Variants in ZSWIM5 observed in about 807,000 individuals in gnomAD.
ZSWIM5 encodes zinc finger SWIM-type containing 5.
In ZSWIM5, 55 loss-of-function variants were observed where a neutral mutation model predicts 119.6. The ratio of observed to expected loss-of-function variants is 0.46; its 90% CI spans 0.37 to 0.58. ZSWIM5 has a LOEUF of 0.58. Ranked by LOEUF, ZSWIM5 falls within the 20% of genes least tolerant of loss-of-function variation. The pLI is 0.00. For synonymous variants in ZSWIM5, 537 were observed against 606.9 expected (o/e 0.88, Z 1.69); for missense variants, 1,193 against 1,512.8 (o/e 0.79, Z 3.51).
chr1:45,130,883 A>C (rs1003197992), intron 1 of ZSWIM5, among the ~76,000 whole-genome samples: 3 of 152,200 alleles, frequency 2.0e-5, no homozygotes, highest in Non-Finnish European at 4.4e-5. Context: ...ATACCATGGA[A>C]TACTACTCAA....
At chr1:45,060,828 C>A (rs781473595) in intron 2 of ZSWIM5, among the ~76,000 whole-genome samples, 3 of 152,106 alleles carry the variant, frequency 2.0e-5, no homozygotes, top group Non-Finnish European at 4.4e-5. Context: ...GAGAGGGCCA[C>A]CATGCCCAAC....
In ZSWIM5 at chr1:45,051,094, T is replaced by C. The variant is rs1645085776; in HGVS notation, c.1412A>G (p.Gln471Arg). 6.2e-7 allele frequency: 1 copy of C among 1,613,778 alleles called. No homozygotes were observed. The highest frequency in any genetic ancestry group is 8.5e-7 in the Non-Finnish European group (1 of 1,179,936). ...CTCACCTGGGCTGTGAATGGCACTC[T>C]GGGGAAGTGCATTGGTGATGTTGGG... Reference protein sequence around the residue: ...ELPNITNALPQSAIHSPDSLS... With the variant: ...ELPNITNALPRSAIHSPDSLS... Residue 471 changes from glutamine (Q) to arginine (R), a missense_variant, in exon 5 of 14, where the codon CAG (glutamine) becomes CGG (arginine). Transcript: ENST00000359600.
At chr1:45,191,019 T>C (rs1194610645) in intron 1 of ZSWIM5, among the ~76,000 whole-genome samples, 1 of 134,678 alleles carries the variant, frequency 7.4e-6, no homozygotes, top group Non-Finnish European at 1.5e-5. Flanking sequence ...CTATCTCCTC[T>C]CACTGCAAGC....
At chr1:45,056,604 C>CT (rs1484909590) in intron 4 of ZSWIM5, among the ~76,000 whole-genome samples, 1 of 49,180 alleles carries the variant, frequency 2.0e-5, no homozygotes, top group African/African-American at 7.9e-5. Context: ...GAGTGAGACT[C>CT]TGTCTCAAAA....
chr1:45,101,096 A>G (rs1223520835), intron 1 of ZSWIM5, among the ~76,000 whole-genome samples: 2 of 151,910 alleles, frequency 1.3e-5, no homozygotes, highest in Non-Finnish European at 2.9e-5. Flanking sequence ...CTACCATCAG[A>G]GTGAACAGGC....
rs145913174 is a variant in ZSWIM5 at position 45,131,617 on chromosome 1, C to T, written c.596-43380G>A. 1.9e-3 allele frequency among the ~76,000 whole-genome samples: 284 copies of T among 150,544 alleles called. 2 individuals carry two copies. The highest frequency in any genetic ancestry group is 6.5e-3 in the African/African-American group (268 of 40,942). ...GTGTGTACCCATAGCCCCAGCTACT[C>T]GGGAGGCTGAGGCACGAGAATCACT... On this transcript the variant is annotated intron_variant, in intron 1 of 13. Transcript: ENST00000359600.
intron 1 of ZSWIM5, among the ~76,000 whole-genome samples, chr1:45,171,114 G>A (rs922039497): frequency 2.0e-5 from 3 of 152,016 alleles, no homozygotes; most frequent in Middle Eastern, 3.2e-3. Context: ...GCAGAACTAA[G>A]AAAATTCAAC....
chr1:45,070,537 G>T, intron 2 of ZSWIM5: 3 of 548,128 alleles, frequency 5.5e-6, no homozygotes, highest in East Asian at 3.6e-5. Context: ...ATTTTTTTCT[G>T]TTCTTTGCAT....
intron 1 of ZSWIM5, among the ~76,000 whole-genome samples, chr1:45,166,789 G>A (rs1441974286): frequency 6.6e-6 from 1 of 152,032 alleles, no homozygotes; most frequent in African/African-American, 2.4e-5. Flanking sequence ...TCTTCAAGGA[G>A]AACTACAAAC....
In ZSWIM5 at chr1:45,057,885, A is replaced by G. The variant is rs1189351636; in HGVS notation, c.1252+724T>C. Among the ~76,000 whole-genome samples, 2 of 152,208 alleles carry G rather than the reference A, an allele frequency of 1.3e-5. No individual in the cohort carries two copies. Among genetic ancestry groups the G allele is most frequent in the Non-Finnish European group, 2.9e-5 (2 of 68,032 alleles). ...AGTTTCACGGGGGAATGGACACTAC[A>G]TTGCATTTTAAAGGTTGAGAAATCA... On this transcript the variant is annotated intron_variant, in intron 4 of 13. Transcript: ENST00000359600. This position sits in a 1 kb window ranked among gnomAD's most constrained non-coding sequence, Gnocchi z 4.7.
rs749326080 is a variant in ZSWIM5, at chr1:45,019,276, T to C, written c.2736A>G (p.Thr912=). The change falls in exon 14 of 14, where the codon ACA becomes ACG. Residue 912 remains threonine (T), a synonymous_variant. Transcript: ENST00000359600. The surrounding 1 kb of genome is among the most constrained non-coding windows in gnomAD (Gnocchi z 5.0). ...ALVSILQSWY[T]LFTPTEATSI... is the part of the protein sequence containing the mutation. The stretch of plus-strand genomic sequence containing the variant: ...TAGTAGCCTCAGTAGGGGTGAAGAG[T>C]GTGTACCAGCTCTGCAAGATGCTCA... The C allele has an allele frequency of 6.2e-7, 1 of 1,613,000 alleles. No homozygotes were observed. Among genetic ancestry groups the C allele is most frequent in the Non-Finnish European group, 8.5e-7 (1 of 1,179,872 alleles).
intron 2 of ZSWIM5, among the ~76,000 whole-genome samples, chr1:45,085,999 C>A (rs1645327150): frequency 6.6e-6 from 1 of 152,120 alleles, no homozygotes; most frequent in Non-Finnish European, 1.5e-5. Flanking sequence ...AAAAAAATAC[C>A]TGAGAATCGG....
Position 45,018,725 on chromosome 1 carries a change from C to T in ZSWIM5, c.3287G>A (p.Ser1096Asn), listed in dbSNP as rs1237409520. The T allele has an allele frequency of 6.2e-7, 1 of 1,614,142 alleles. No homozygotes were observed. Among genetic ancestry groups the T allele is most frequent in the African/African-American group, 1.3e-5 (1 of 74,938 alleles). Residue 1096 changes from serine to asparagine, a missense_variant, in exon 14 of 14, where the codon AGC (serine) becomes AAC (asparagine). Ser to Asn is a conservative substitution (Grantham distance 46, BLOSUM62 1). This residue lies in a region of ZSWIM5 where 961 missense variants were observed against 1,290.0 expected (regional missense o/e 0.74). Transcript: ENST00000359600. The surrounding 1 kb of genome is among the most constrained non-coding windows in gnomAD (Gnocchi z 6.7). ...GTCAGTGGACATGAGCTTTCCAGAG[C>T]TTCGGCGGCCTGGGATGCCGGCCAG... ...PGLAGIPGRR[S>N]SGKLMSTDKA...
intron 1 of ZSWIM5, among the ~76,000 whole-genome samples, chr1:45,184,873 T>C (rs1297953376): frequency 6.6e-6 from 1 of 151,962 alleles, no homozygotes; most frequent in Non-Finnish European, 1.5e-5. Context: ...TACCAATGAC[T>C]TTCTTCACAG....
At chr1:45,121,593 T>TTC (rs1553196198) in intron 1 of ZSWIM5, among the ~76,000 whole-genome samples, 2 of 150,168 alleles carry the variant, frequency 1.3e-5, no homozygotes, top group African/African-American at 5.0e-5. Flanking sequence ...AATCTTTTTT[T>TTC]TTCTTCTTCT....
intron 11 of ZSWIM5, among the ~76,000 whole-genome samples, chr1:45,031,674 C>G (rs1312580394): frequency 6.6e-6 from 1 of 151,710 alleles, no homozygotes; most frequent in African/African-American, 2.4e-5. Context: ...CCCACCTCTA[C>G]TAAAAATACA....
At chr1:45,154,278 C>T (rs182729645) in intron 1 of ZSWIM5, among the ~76,000 whole-genome samples, 10 of 152,052 alleles carry the variant, frequency 6.6e-5, no homozygotes, top group Admixed American at 6.6e-5. Flanking sequence ...CAAAAAAGAG[C>T]CCACATAGCC....
At chr1:45,114,875 T>A (rs924124579) in intron 1 of ZSWIM5, among the ~76,000 whole-genome samples, 1 of 152,240 alleles carries the variant, frequency 6.6e-6, no homozygotes, top group South Asian at 2.1e-4. Flanking sequence ...TTCAAGCATC[T>A]GTTTAACAAA....
chr1:45,050,769 A>G (rs1645084233), intron 5 of ZSWIM5, among the ~76,000 whole-genome samples: 1 of 152,186 alleles, frequency 6.6e-6, no homozygotes, highest in East Asian at 1.9e-4. Flanking sequence ...AAGCCAAGAT[A>G]TTTAATACAT....
Sources: allele counts gnomAD v4.1 joint callset (sites outside exome capture counted in the v4.1 genomes callset), GRCh38; gene constraint gnomAD v4.1.1; regional missense constraint gnomAD v4.1.1; non-coding constraint Gnocchi (gnomAD v3.1); transcripts MANE v1.5; gene names NCBI Gene and HGNC (gene_info 2026-07-23, HGNC 2026-07-21).